SRRM1: variants seen among roughly 807,000 people sequenced by gnomAD.
SRRM1 encodes serine and arginine repetitive matrix 1, also known as serine/arginine repetitive matrix protein 1.
In SRRM1, 19 loss-of-function variants were observed where a neutral mutation model predicts 110.2. That is an observed-to-expected ratio of 0.17 (90% CI 0.12 to 0.25). The LOEUF is 0.25. SRRM1 is among the 10% of genes least tolerant of loss of function. SRRM1 has a pLI of 1.00. For missense variants in SRRM1, 918 were observed against 1,145.8 expected, an observed-to-expected ratio of 0.80 and a Z score of 2.87; for synonymous variants, 443 against 414.9, an observed-to-expected ratio of 1.07 and a Z score of -0.82.
At chr1:24,646,186 A>C (rs1367857976) in intron 2 of SRRM1, 113 bp downstream of exon 2, 4 of 766,780 alleles carry the variant, frequency 5.2e-6, no homozygotes, top group Non-Finnish European at 6.5e-6. Flanking sequence ...AACATAATTG[A>C]ACATTAACCA....
intron 5 of SRRM1, 47 bp downstream of exon 5, chr1:24,650,133 T>G: frequency 6.8e-7 from 1 of 1,459,956 alleles, no homozygotes; most frequent in Non-Finnish European, 9.0e-7. Flanking sequence ...GTACTTTAGG[T>G]CTTAAGAAAC....
chr1:24,654,795 A>G, intron 8 of SRRM1, 60 bp from the exon 9 acceptor site: 1 of 1,595,114 alleles, frequency 6.3e-7, no homozygotes. Flanking sequence ...AACTGTTCAT[A>G]CCTGTAAGGC....
chr1:24,661,285 C>G (rs770218676), intron 10 of SRRM1, 25 bp from the exon 11 acceptor site: 19 of 1,588,896 alleles, frequency 1.2e-5, no homozygotes, highest in Non-Finnish European at 1.6e-5. Flanking sequence ...TAAAGAAACA[C>G]TTTCTAAATG....
At position 24,662,820 on chromosome 1, in the gene SRRM1, C is replaced by T. The variant is rs1292753920; in HGVS notation, c.1628+16C>T. 2.8e-5 allele frequency: 45 copies of T among 1,613,570 alleles called. No individual in the cohort carries two copies. The highest frequency in any genetic ancestry group is 3.8e-5 in the Non-Finnish European group (45 of 1,179,728). Reference sequence around the variant, plus strand: ...CTTCCCCTCGGTAACATCTTTGCTTCAGTGATGTTCACTGATGTTCTGTAA... The same window carrying T: ...CTTCCCCTCGGTAACATCTTTGCTTTAGTGATGTTCACTGATGTTCTGTAA... On this transcript the variant is annotated intron_variant, in intron 12 of 16. Transcript: ENST00000323848.
intron 1 of SRRM1, 83 bp from the exon 2 acceptor site, chr1:24,645,901 A>G (rs931785156): frequency 1.1e-5 from 12 of 1,067,626 alleles, no homozygotes; most frequent in Non-Finnish European, 1.7e-5. Flanking sequence ...TGGTTACCCT[A>G]TTTTGGCTAT....
intron 15 of SRRM1, 125 bp from the exon 16 acceptor site, chr1:24,671,261 C>G (rs1256681717): frequency 9.3e-7 from 1 of 1,077,420 alleles, no homozygotes; most frequent in African/African-American, 1.6e-5. Flanking sequence ...CACTCACACC[C>G]TCCAAAGCCT....
intron 3 of SRRM1, 112 bp downstream of exon 3, chr1:24,646,901 T>G (rs751263388): frequency 1.1e-5 from 10 of 881,804 alleles, no homozygotes; most frequent in Non-Finnish European, 1.5e-5. Flanking sequence ...TTTACAATGT[T>G]TGTTGTGAAA....
At chr1:24,648,091 A>G (rs1244761901) in intron 3 of SRRM1, 3 of 152,224 alleles carry the variant, frequency 2.0e-5, no homozygotes, top group Non-Finnish European at 4.4e-5. Flanking sequence ...AGCCAAGGGA[A>G]CATCTTTCTC....
chr1:24,647,910 A>C (rs1658483561), intron 3 of SRRM1: 1 of 152,246 alleles, frequency 6.6e-6, no homozygotes, highest in African/African-American at 2.4e-5. Flanking sequence ...AAACCTAAGT[A>C]TCTGGTAGTA....
intron 1 of SRRM1, chr1:24,643,689 C>T: frequency 3.0e-6 from 1 of 337,364 alleles, no homozygotes; most frequent in Non-Finnish European, 5.4e-6. Flanking sequence ...CTAGCGGAGC[C>T]GGAGGAGGAA....
intron 11 of SRRM1, among the ~76,000 whole-genome samples, chr1:24,661,716 G>GA (rs1244724289): frequency 6.6e-6 from 1 of 152,106 alleles, no homozygotes; most frequent in Non-Finnish European, 1.5e-5. Flanking sequence ...AAAAGGAAAA[G>GA]AAAAAACCCC....
rs1307071029 is a variant in SRRM1 at position 24,645,900 on chromosome 1, T to G, written c.22-84T>G. On this transcript the variant is annotated intron_variant, in intron 1 of 16. Coordinates refer to ENST00000323848, the MANE Select transcript of SRRM1 (RefSeq NM_005839.4). ...TGGTATTGTGTTTACTTGGTTACCC[T>G]ATTTTGGCTATAAAGGTCGTAGGTG... 4.8e-6 allele frequency: 5 copies of G among 1,044,186 alleles called. No homozygotes were observed. In the African/African-American group the frequency reaches 8.0e-5, roughly 17 times the overall value. The allele number at this position is 1,044,186 out of a possible 1,614,324, so 64.7% of individuals were successfully genotyped here. A position where few individuals can be genotyped will look rare whatever the true frequency, so the allele number is the denominator to read the frequency against.
At position 24,672,295 on chromosome 1, in the gene SRRM1, G is replaced by A. The variant is rs1673188678; in HGVS notation, c.*9G>A. 10 of 1,567,832 alleles carry A rather than the reference G, an allele frequency of 6.4e-6. No homozygotes were observed. Among genetic ancestry groups the A allele is most frequent in the East Asian group, 2.3e-5 (1 of 44,132 alleles). ...TGTCCCCACAGTCTTAGGGGGAAAT[G>A]TTTGTTATGATGTAAATTTTATTTG... On this transcript the variant is annotated 3_prime_UTR_variant, in exon 17 of 17. Transcript: ENST00000323848.
In SRRM1 at chr1:24,643,360, G is replaced by A. The variant is rs777808608; in HGVS notation, c.21+13G>A. 14 of 1,548,954 alleles carry A rather than the reference G, an allele frequency of 9.0e-6. No homozygotes were observed. Among genetic ancestry groups the A allele is most frequent in the Non-Finnish European group, 1.1e-5 (13 of 1,153,248 alleles). On this transcript the variant is annotated intron_variant, in intron 1 of 16. Coordinates refer to ENST00000323848, the MANE Select transcript of SRRM1 (RefSeq NM_005839.4). ...GGGATTTTTCCGCGTAAGTAGAAGCGCCGGGCGCCGGGGTGAGGCCAGGGA... is the reference window on the plus strand; with the variant it reads ...GGGATTTTTCCGCGTAAGTAGAAGCACCGGGCGCCGGGGTGAGGCCAGGGA...
chr1:24,655,203 C>T, intron 9 of SRRM1, 74 bp downstream of exon 9: 2 of 1,494,294 alleles, frequency 1.3e-6, no homozygotes, highest in Non-Finnish European at 1.8e-6. Context: ...TTGCCCCCTG[C>T]TCACTCTCAA....
intron 16 of SRRM1, 86 bp downstream of exon 16, chr1:24,671,681 T>C: frequency 8.1e-7 from 1 of 1,233,884 alleles, no homozygotes; most frequent in South Asian, 1.5e-5. Context: ...CAAAATTGTT[T>C]TTTCTACTAA....
chr1:24,652,394 A>G (rs1212602468), intron 6 of SRRM1, 40 bp from the exon 7 acceptor site: 1 of 1,421,808 alleles, frequency 7.0e-7, no homozygotes, highest in South Asian at 1.4e-5. Context: ...GGCTGAGTAC[A>G]AGAAGGCAAA....
chr1:24,643,881 A>G (rs1655518605), intron 1 of SRRM1: 1 of 152,782 alleles, frequency 6.5e-6, no homozygotes, highest in Non-Finnish European at 1.5e-5. Context: ...TCCAGGTCCT[A>G]AGCCTTCGTG....
At chr1:24,649,902 G>C in intron 4 of SRRM1, 69 bp from the exon 5 acceptor site, 1 of 1,390,646 alleles carries the variant, frequency 7.2e-7, no homozygotes. Context: ...TTTAACACAC[G>C]TAGAAAGTAG....
Sources: gnomAD v4.1 joint callset for allele counts (sites outside exome capture counted in the v4.1 genomes callset) on GRCh38, gnomAD v4.1.1 for gene constraint, MANE v1.5 for transcripts, NCBI Gene and HGNC (gene_info 2026-07-23, HGNC 2026-07-21) for gene names.